Variants in FREM2 observed in about 807,000 individuals in gnomAD.
FREM2 encodes FRAS1 related extracellular matrix 2.
A neutral mutation model predicts 219.9 loss-of-function variants in FREM2; 119 were observed. The observed-to-expected ratio is 0.54, with a 90% CI of 0.47 to 0.63. The LOEUF (loss-of-function observed/expected upper bound fraction) is 0.63. Ranked by LOEUF, FREM2 falls within the 30% of genes least tolerant of loss-of-function variation. The pLI, the probability that FREM2 is intolerant of heterozygous loss-of-function variation, is 0.00. For missense variants in FREM2, 4,030 were observed against 3,993.6 expected (o/e 1.01, Z -0.25); for synonymous variants, 1,562 against 1,522.8 (o/e 1.03, Z -0.60).
chr13:38,721,510 C>T (rs544692350), intron 2 of FREM2, among the ~76,000 whole-genome samples: 159 of 152,134 alleles, frequency 1.0e-3, no homozygotes, highest in Non-Finnish European at 2.0e-3. Flanking sequence ...ACAACAGTAG[C>T]AAGCTGACCC....
intron 2 of FREM2, among the ~76,000 whole-genome samples, chr13:38,715,307 C>T (rs1455575692): frequency 6.6e-6 from 1 of 152,026 alleles, no homozygotes; most frequent in Non-Finnish European, 1.5e-5. Flanking sequence ...AGTGACGTAC[C>T]AAAAGAAATA....
chr13:38,877,366 G>T (rs956065016), intron 21 of FREM2, 123 bp downstream of exon 21: 2 of 1,086,232 alleles, frequency 1.8e-6, no homozygotes, highest in Admixed American at 1.7e-5. Context: ...GAATGTAACT[G>T]GGTCTTTACC....
chr13:38,715,657 C>T (rs1040394198), intron 2 of FREM2, among the ~76,000 whole-genome samples: 4 of 151,222 alleles, frequency 2.6e-5, no homozygotes, highest in Non-Finnish European at 2.9e-5. Context: ...GTTATATAGA[C>T]GTATATAATG....
chr13:38,773,391 A>C (rs1593398402), intron 4 of FREM2, among the ~76,000 whole-genome samples: 2 of 150,746 alleles, frequency 1.3e-5, no homozygotes, highest in African/African-American at 2.4e-5. Flanking sequence ...AGTCTCCCCC[A>C]CACCCCCTTT....
chr13:38,767,684 T>C (rs913358313), intron 3 of FREM2, among the ~76,000 whole-genome samples: 1 of 152,150 alleles, frequency 6.6e-6, no homozygotes, highest in African/African-American at 2.4e-5. Context: ...GGCAGTGAAT[T>C]GTAGTGGATC....
In FREM2 at chr13:38,885,811, G is replaced by A. The variant is rs568618549; in HGVS notation, c.*5024G>A. The A allele has an allele frequency of 6.6e-6, 1 of 152,166 alleles. No individual in the cohort carries two copies. Among genetic ancestry groups the A allele is most frequent in the African/African-American group, 2.4e-5 (1 of 41,540 alleles). The allele number at this position is 152,166 out of a possible 1,614,324, so 9.4% of individuals were successfully genotyped here. Reference sequence around the variant, plus strand: ...GAGGTTCAACATTGACATTTAAGATGTAAAAAAAATTACTTTGATGGTTTA... The same window carrying A: ...GAGGTTCAACATTGACATTTAAGATATAAAAAAAATTACTTTGATGGTTTA... On this transcript the variant is annotated 3_prime_UTR_variant, in exon 24 of 24. Coordinates refer to ENST00000280481, the MANE Select transcript of FREM2 (RefSeq NM_207361.6).
At chr13:38,749,375 A>T (rs1872623517) in intron 2 of FREM2, among the ~76,000 whole-genome samples, 1 of 152,222 alleles carries the variant, frequency 6.6e-6, no homozygotes, top group African/African-American at 2.4e-5. Context: ...CTGCATATTT[A>T]TGTAAGAAGA....
intron 11 of FREM2, among the ~76,000 whole-genome samples, chr13:38,852,963 C>G (rs932777849): frequency 6.6e-6 from 1 of 151,916 alleles, no homozygotes; most frequent in Admixed American, 6.6e-5. Flanking sequence ...ACCTTGTCCT[C>G]CCAAAGTGCT....
At chr13:38,747,795 A>G (rs530945066) in intron 2 of FREM2, among the ~76,000 whole-genome samples, 82 of 152,292 alleles carry the variant, frequency 5.4e-4, no homozygotes, top group African/African-American at 1.9e-3. Flanking sequence ...AGACTAGGAA[A>G]CAATGTGCTT....
intron 6 of FREM2, among the ~76,000 whole-genome samples, chr13:38,845,467 G>C (rs566956084): frequency 5.3e-5 from 8 of 152,252 alleles, no homozygotes; most frequent in Admixed American, 3.3e-4. Flanking sequence ...CTAGAGCCAG[G>C]TGACTAGAAT....
In FREM2 at chr13:38,783,247, C is replaced by A. The variant is rs144886000; in HGVS notation, c.5767+52C>A. 13,060 of 1,597,612 alleles carry A rather than the reference C, an allele frequency of 8.2e-3. 101 individuals are homozygous for A. The highest frequency in any genetic ancestry group is 0.02 in the South Asian group (1,772 of 90,724). On this transcript the variant is annotated intron_variant, in intron 5 of 23. Transcript: ENST00000280481. ...ATAACCCCCAAAAGATATAAATAAG[C>A]CTTTTTAACATATTGGAGCCATAAC...
chr13:38,795,171 A>G (rs1243945064), intron 6 of FREM2, among the ~76,000 whole-genome samples: 2 of 152,080 alleles, frequency 1.3e-5, no homozygotes, highest in African/African-American at 4.8e-5. Context: ...CCGGAAAAAA[A>G]TGGTCCAAAA....
intron 2 of FREM2, among the ~76,000 whole-genome samples, chr13:38,702,864 G>C (rs1209076648): frequency 6.6e-6 from 1 of 152,090 alleles, no homozygotes; most frequent in Non-Finnish European, 1.5e-5. Context: ...GGCCATTATA[G>C]TGTTATCTGG....
At chr13:38,704,174 A>C (rs1870446631) in intron 2 of FREM2, among the ~76,000 whole-genome samples, 1 of 152,202 alleles carries the variant, frequency 6.6e-6, no homozygotes, top group South Asian at 2.1e-4. Context: ...CTAAAGCAAG[A>C]TTCCTTGTAA....
At chr13:38,747,861 T>C (rs997619237) in intron 2 of FREM2, among the ~76,000 whole-genome samples, 1 of 152,218 alleles carries the variant, frequency 6.6e-6, no homozygotes. Context: ...ATTATCCTTT[T>C]TCCAAAACCC....
At chr13:38,813,769 C>A (rs532931787) in intron 6 of FREM2, among the ~76,000 whole-genome samples, 3 of 151,176 alleles carry the variant, frequency 2.0e-5, no homozygotes, top group East Asian at 3.9e-4. Flanking sequence ...CTGATATTAT[C>A]CCTTTGGATA....
intron 2 of FREM2, among the ~76,000 whole-genome samples, chr13:38,719,957 G>A (rs1182585042): frequency 1.3e-5 from 2 of 152,146 alleles, no homozygotes; most frequent in African/African-American, 4.8e-5. Flanking sequence ...AGATGCAAAA[G>A]TCTTCAAGAA....
chr13:38,851,646 T>TA, intron 10 of FREM2, 40 bp from the exon 11 acceptor site: 1 of 1,413,184 alleles, frequency 7.1e-7, no homozygotes, highest in South Asian at 1.2e-5. Context: ...GCATTCCCCT[T>TA]ACTAACAATT....
chr13:38,850,808 C>T, intron 9 of FREM2, 136 bp from the exon 10 acceptor site: 1 of 914,584 alleles, frequency 1.1e-6, no homozygotes, highest in East Asian at 2.4e-5. Context: ...CTGCTGAAGG[C>T]TTATTGCATG....
Sources: gnomAD v4.1 joint callset for allele counts (sites outside exome capture counted in the v4.1 genomes callset) on GRCh38, gnomAD v4.1.1 for gene constraint, MANE v1.5 for transcripts, NCBI Gene and HGNC (gene_info 2026-07-23, HGNC 2026-07-21) for gene names.